The following NLRC5 variants were observed in gnomAD, a reference collection of about 807,000 sequenced individuals.
NLRC5 encodes the protein NLR family CARD domain containing 5.
A neutral mutation model predicts 206.9 loss-of-function variants in NLRC5; 114 were observed. The observed-to-expected ratio is 0.55, with a 90% CI of 0.47 to 0.64. NLRC5 has a LOEUF of 0.64. Among genes scored for constraint, NLRC5 ranks in the 30% least tolerant of loss-of-function variants. NLRC5 has a pLI of 0.00. For missense variants in NLRC5, 2,008 were observed against 2,305.5 expected (o/e 0.87, Z 2.64); for synonymous variants, 952 against 962.8 (o/e 0.99, Z 0.21).
At chr16:57,066,265 A>G (rs930887029) in intron 33 of NLRC5, among the ~76,000 whole-genome samples, 6 of 151,806 alleles carry the variant, frequency 4.0e-5, no homozygotes, top group African/African-American at 1.5e-4. Context: ...CGTGCCCACC[A>G]CTGCACTTCA....
chr16:57,042,801 G>C (rs1449033588), intron 19 of NLRC5, among the ~76,000 whole-genome samples: 12 of 152,150 alleles, frequency 7.9e-5, no homozygotes, highest in Admixed American at 7.2e-4. Flanking sequence ...TGGTGGCTAC[G>C]ATCTCTGAAA....
chr16:57,031,524 G>A, intron 11 of NLRC5, 61 bp downstream of exon 11: 11 of 1,540,642 alleles, frequency 7.1e-6, no homozygotes, highest in Non-Finnish European at 9.9e-6. Flanking sequence ...GGCTCAGGCA[G>A]TTGAGGGGAA....
At chr16:57,077,594 A>C (rs2068558820) in intron 41 of NLRC5, 125 bp from the exon 42 acceptor site, 1 of 1,009,206 alleles carries the variant, frequency 9.9e-7, no homozygotes, top group Non-Finnish European at 1.5e-6. Flanking sequence ...TTGTCTGGGT[A>C]GGTGTGTGGT....
intron 20 of NLRC5, among the ~76,000 whole-genome samples, chr16:57,044,500 C>T (rs1383677591): frequency 1.3e-5 from 2 of 152,200 alleles, no homozygotes; most frequent in Admixed American, 6.5e-5. Flanking sequence ...CCTAAGGACC[C>T]CCAAGAATGG....
chr16:57,068,633 C>T (rs2067314686), intron 36 of NLRC5, among the ~76,000 whole-genome samples: 1 of 152,194 alleles, frequency 6.6e-6, no homozygotes, highest in African/African-American at 2.4e-5. Flanking sequence ...AGGACATTCT[C>T]TTCCATAATC....
chr16:57,040,841 T>G, intron 17 of NLRC5, 123 bp downstream of exon 17: 1 of 918,614 alleles, frequency 1.1e-6, no homozygotes, highest in South Asian at 1.5e-5. Context: ...ACCTGCTGTG[T>G]CCAGGGGTCA....
At chr16:57,005,309 G>A (rs1290631644) in intron 1 of NLRC5, among the ~76,000 whole-genome samples, 2 of 152,240 alleles carry the variant, frequency 1.3e-5, no homozygotes, top group East Asian at 1.9e-4. Context: ...ATCAATTGAA[G>A]AACAGTGGCT....
At position 57,083,203 on chromosome 16, in the gene NLRC5, C is replaced by T. The variant is rs1404341365; in HGVS notation, c.*675C>T. ...CTCCTGCCTCAATCCTCAGCCTACC[C>T]ATCTATAAACTTGATGACTCCTCCC... is the stretch of plus-strand genomic sequence containing the variant. On this transcript the variant is annotated 3_prime_UTR_variant, in exon 49 of 49. Coordinates refer to ENST00000688547, the MANE Select transcript of NLRC5 (RefSeq NM_001384950.1). The T allele has an allele frequency of 6.6e-6, 1 of 152,310 alleles. No individual in the cohort carries two copies. Among genetic ancestry groups the T allele is most frequent in the African/African-American group, 2.4e-5 (1 of 41,452 alleles). 9.4% of individuals were successfully genotyped at this position (152,310 alleles called of 1,614,324 possible). A position where few individuals can be genotyped will look rare whatever the true frequency, so the allele number is the denominator to read the frequency against.
At chr16:57,042,698 C>T (rs962492304) in intron 19 of NLRC5, among the ~76,000 whole-genome samples, 2 of 152,216 alleles carry the variant, frequency 1.3e-5, no homozygotes, top group African/African-American at 4.8e-5. Flanking sequence ...TCTGTGAACA[C>T]GCTTTGCTGT....
At chr16:57,059,403 C>A in intron 29 of NLRC5, 64 bp from the exon 30 acceptor site, 2 of 1,554,840 alleles carry the variant, frequency 1.3e-6, no homozygotes, top group Non-Finnish European at 1.7e-6. Flanking sequence ...CCTGTGGGTG[C>A]CCTAGGTGCC....
intron 16 of NLRC5, among the ~76,000 whole-genome samples, chr16:57,040,306 A>G (rs1444329902): frequency 3.9e-5 from 6 of 152,202 alleles, no homozygotes; most frequent in Non-Finnish European, 7.3e-5. Flanking sequence ...TCTCTTCTGT[A>G]GAGTCTGGAC....
At chr16:57,070,674 T>C (rs1182268492) in intron 38 of NLRC5, 56 bp downstream of exon 38, 3 of 1,419,236 alleles carry the variant, frequency 2.1e-6, no homozygotes, top group Non-Finnish European at 2.9e-6. Context: ...TAATGGATGG[T>C]GGAAGTGGGT....
intron 33 of NLRC5, among the ~76,000 whole-genome samples, chr16:57,066,051 CCCCT>C (rs2067046976): frequency 1.3e-5 from 2 of 152,174 alleles, no homozygotes; most frequent in African/African-American, 4.8e-5. Flanking sequence ...GGTCCTTGTG[CCCCT>C]CCCTCAGAAA....
At chr16:57,021,115 C>A in intron 3 of NLRC5, 108 bp downstream of exon 3, 1 of 943,842 alleles carries the variant, frequency 1.1e-6, no homozygotes, top group Non-Finnish European at 1.6e-6. Context: ...TGTAGCCCAG[C>A]CACGATCTCA....
chr16:57,033,749 G>A lies in NLRC5; in HGVS notation c.2543+80G>A, dbSNP rs1322046514. On this transcript the variant is annotated intron_variant, in intron 12 of 48. Coordinates refer to ENST00000688547, the MANE Select transcript of NLRC5 (RefSeq NM_001384950.1). ...CGAGGCAAGGGAGAGCAGGGGCAGGGAGGATAAAGGGAAAAGCAGATGAGG... is the reference window on the plus strand; with the variant it reads ...CGAGGCAAGGGAGAGCAGGGGCAGGAAGGATAAAGGGAAAAGCAGATGAGG... 1.3e-5 allele frequency: 18 copies of A among 1,351,240 alleles called. No individual in the cohort carries two copies. The East Asian group carries it at 3.9e-4, about 29-fold the overall frequency. The allele number at this position is 1,351,240 out of a possible 1,614,324, so 83.7% of individuals were successfully genotyped here. A position where few individuals can be genotyped will look rare whatever the true frequency, so the allele number is the denominator to read the frequency against.
In NLRC5 at chr16:57,025,789, G is replaced by A; in HGVS notation, c.846G>A (p.Leu282=). ...CCGAGCTCCTTTTTGATCTGTACCT[G>A]AGCCCTGAATCGGACCACGACACTG... The part of the protein sequence containing the change: ...TPSELLFDLY[L]SPESDHDTVF... The change falls in exon 6 of 49, where the codon CTG becomes CTA. Residue 282 remains leucine (L), a synonymous_variant. Transcript: ENST00000688547. The A allele has an allele frequency of 6.2e-7, 1 of 1,614,198 alleles. No individual in the cohort carries two copies. The highest frequency in any genetic ancestry group is 8.5e-7 in the Non-Finnish European group (1 of 1,180,042).
chr16:56,998,530 T>C (rs1296248899), intron 1 of NLRC5, among the ~76,000 whole-genome samples: 1 of 152,170 alleles, frequency 6.6e-6, no homozygotes, highest in Admixed American at 6.5e-5. Flanking sequence ...GATGAGAACA[T>C]TGAGGCCCAG....
chr16:57,074,752 C>A lies in NLRC5; in HGVS notation c.4751+69C>A, dbSNP rs2068150730. On this transcript the variant is annotated intron_variant, in intron 39 of 48. Transcript: ENST00000688547. ...CTTCCCACTCAGTTGGGACCACATCCAGGGAAGCACTGAGGCCACCTCCCA... is the reference window on the plus strand; with the variant it reads ...CTTCCCACTCAGTTGGGACCACATCAAGGGAAGCACTGAGGCCACCTCCCA... 10 of 1,461,968 alleles carry A rather than the reference C, an allele frequency of 6.8e-6. No individual in the cohort carries two copies. In the South Asian group the frequency reaches 1.1e-4, roughly 17 times the overall value. 90.6% of individuals were successfully genotyped at this position (1,461,968 alleles called of 1,614,324 possible).
At chr16:57,027,048 G>T in intron 6 of NLRC5, 30 bp downstream of exon 6, 2 of 1,595,136 alleles carry the variant, frequency 1.3e-6, no homozygotes, top group South Asian at 1.1e-5. Context: ...GACCGGGGAG[G>T]GGATTGGGCT....
Sources: allele counts gnomAD v4.1 joint callset (sites outside exome capture counted in the v4.1 genomes callset), GRCh38; gene constraint gnomAD v4.1.1; transcripts MANE v1.5; gene names NCBI Gene and HGNC (gene_info 2026-07-23, HGNC 2026-07-21).